The following PPFIA2 variants were observed in gnomAD, a reference collection of about 807,000 sequenced individuals.
PPFIA2 encodes the protein liprin-alpha-2.
PPFIA2 carries 46 observed loss-of-function variants against 175.5 expected under a neutral mutation model. That is an observed-to-expected ratio of 0.26 (90% CI 0.21 to 0.34). The LOEUF (loss-of-function observed/expected upper bound fraction) is 0.34, where lower values mean the gene tolerates loss of function less well. Among genes scored for constraint, PPFIA2 ranks in the 10% least tolerant of loss-of-function variants. The pLI, the probability that PPFIA2 is intolerant of heterozygous loss-of-function variation, is 1.00. For missense variants in PPFIA2, 1,179 were observed against 1,506.1 expected, an observed-to-expected ratio of 0.78 and a Z score of 3.60; for synonymous variants, 568 against 511.4, an observed-to-expected ratio of 1.11 and a Z score of -1.49.
chr12:81,334,054 CCAAA>C (rs567023881), intron 21 of PPFIA2, among the ~76,000 whole-genome samples: 178 of 152,230 alleles, frequency 1.2e-3, no homozygotes, highest in African/African-American at 4.1e-3. Context: ...AGTAAAGTTG[CCAAA>C]CAAACAAAGG....
chr12:81,693,503 C>T (rs2075506522), intron 3 of PPFIA2, among the ~76,000 whole-genome samples: 1 of 152,102 alleles, frequency 6.6e-6, no homozygotes. Context: ...AGCAGATGCC[C>T]ACACCATGCT....
intron 4 of PPFIA2, among the ~76,000 whole-genome samples, chr12:81,567,971 C>T (rs1479397012): frequency 6.6e-6 from 1 of 152,170 alleles, no homozygotes; most frequent in Non-Finnish European, 1.5e-5. Flanking sequence ...TTGTGGATGC[C>T]TGTGTCCTTA....
At chr12:81,721,452 AACAC>A (rs140887410) in intron 3 of PPFIA2, among the ~76,000 whole-genome samples, 5 of 148,952 alleles carry the variant, frequency 3.4e-5, no homozygotes, top group Non-Finnish European at 7.5e-5. Flanking sequence ...CACACACATA[AACAC>A]ACACACACAC....
At chr12:81,588,869 T>G (rs183078168) in intron 4 of PPFIA2, among the ~76,000 whole-genome samples, 5 of 152,056 alleles carry the variant, frequency 3.3e-5, no homozygotes, top group Admixed American at 6.6e-5. Context: ...TTAAATACTT[T>G]ATATCAAGAA....
chr12:81,299,165 G>A, intron 23 of PPFIA2, 136 bp downstream of exon 23: 1 of 1,153,608 alleles, frequency 8.7e-7, no homozygotes, highest in Non-Finnish European at 1.1e-6. Flanking sequence ...TTATTCCCTA[G>A]TAAGCAAATA....
intron 22 of PPFIA2, among the ~76,000 whole-genome samples, chr12:81,317,653 C>T (rs997949559): frequency 1.3e-5 from 2 of 151,608 alleles, no homozygotes; most frequent in African/African-American, 4.8e-5. Context: ...ACTGCCCTAA[C>T]TCCTATTACA....
intron 19 of PPFIA2, among the ~76,000 whole-genome samples, chr12:81,342,556 T>TA (rs1005092582): frequency 2.6e-5 from 4 of 152,168 alleles, no homozygotes; most frequent in African/African-American, 7.2e-5. Context: ...CATTTTTATA[T>TA]AATTCCTTTG....
At chr12:81,387,712 T>G (rs186393873) in intron 8 of PPFIA2, among the ~76,000 whole-genome samples, 38 of 152,242 alleles carry the variant, frequency 2.5e-4, no homozygotes, top group Non-Finnish European at 1.8e-4. Context: ...AAAACCCCTC[T>G]AAAATCAGTT....
chr12:81,310,754 C>T (rs1201999252), intron 22 of PPFIA2, among the ~76,000 whole-genome samples: 1 of 152,114 alleles, frequency 6.6e-6, no homozygotes, highest in African/African-American at 2.4e-5. Context: ...GAACACCTTA[C>T]TAGAGCTTTT....
At chr12:81,269,970 TAC>T (rs1178623624) in intron 28 of PPFIA2, among the ~76,000 whole-genome samples, 1 of 152,080 alleles carries the variant, frequency 6.6e-6, no homozygotes, top group Admixed American at 6.6e-5. Context: ...GGGTACAGGG[TAC>T]ACTGCTTGGT....
intron 3 of PPFIA2, among the ~76,000 whole-genome samples, chr12:81,741,203 T>C (rs959255498): frequency 6.6e-6 from 1 of 152,196 alleles, no homozygotes; most frequent in Non-Finnish European, 1.5e-5. Context: ...CCCACTTCAT[T>C]CTTGAAGGGG....
chr12:81,496,441 T>C (rs1009926414), intron 4 of PPFIA2, among the ~76,000 whole-genome samples: 4 of 152,164 alleles, frequency 2.6e-5, no homozygotes, highest in South Asian at 2.1e-4. Flanking sequence ...ATTGGGGTTA[T>C]AATAGGAGAA....
At chr12:81,552,929 A>T (rs1419582924) in intron 4 of PPFIA2, among the ~76,000 whole-genome samples, 2 of 152,052 alleles carry the variant, frequency 1.3e-5, no homozygotes, top group African/African-American at 4.8e-5. Context: ...AAATCAAATG[A>T]GTAATTCACA....
chr12:81,508,319 C>G (rs562013603), intron 4 of PPFIA2, among the ~76,000 whole-genome samples: 37 of 151,772 alleles, frequency 2.4e-4, no homozygotes, highest in African/African-American at 8.7e-4. Flanking sequence ...GTCGGGAGGT[C>G]GAGACCAGCC....
intron 4 of PPFIA2, chr12:81,472,572 C>G (rs898208315): frequency 6.6e-6 from 1 of 152,158 alleles, no homozygotes; most frequent in Non-Finnish European, 1.5e-5. Context: ...ACTTGCCAGA[C>G]TAAGGGCCAG....
chr12:81,357,930 G>A (rs892805720), intron 16 of PPFIA2, among the ~76,000 whole-genome samples, 152 bp downstream of exon 16: 1 of 152,038 alleles, frequency 6.6e-6, no homozygotes, highest in African/African-American at 2.4e-5. Flanking sequence ...GGGGCTTTAT[G>A]TTACTTATAG....
intron 3 of PPFIA2, among the ~76,000 whole-genome samples, chr12:81,722,912 C>T (rs1409205168): frequency 6.6e-6 from 1 of 151,016 alleles, no homozygotes; most frequent in Non-Finnish European, 1.5e-5. Context: ...CATGAGGATG[C>T]ATTTTGCAAA....
intron 4 of PPFIA2, among the ~76,000 whole-genome samples, chr12:81,583,573 C>T (rs1469097590): frequency 1.3e-5 from 2 of 151,758 alleles, no homozygotes; most frequent in Admixed American, 6.6e-5. Context: ...AACAAATTGG[C>T]CATTGCTTTT....
At position 81,301,074 on chromosome 12, in the gene PPFIA2, G is replaced by A. The variant is rs12314993; in HGVS notation, c.2643-1692C>T. 2.6e-3 allele frequency among the ~76,000 whole-genome samples: 389 copies of A among 152,206 alleles called. 6 individuals carry two copies. The highest frequency in any genetic ancestry group is 8.9e-3 in the African/African-American group (370 of 41,542). The stretch of plus-strand genomic sequence containing the variant: ...TGAAGTATGTCATTTTAGAAAAGGG[G>A]TTAATAGCCATTGAAGGTGTTGTGA... On this transcript the variant is annotated intron_variant, in intron 22 of 32. Coordinates refer to ENST00000549396, the MANE Select transcript of PPFIA2 (RefSeq NM_003625.5).
Sources: gnomAD v4.1 joint callset for allele counts (sites outside exome capture counted in the v4.1 genomes callset) on GRCh38, gnomAD v4.1.1 for gene constraint, MANE v1.5 for transcripts, NCBI Gene and HGNC (gene_info 2026-07-23, HGNC 2026-07-21) for gene names.